The following MTAP variants were observed in gnomAD, a reference collection of about 807,000 sequenced individuals.
MTAP encodes the protein methylthioadenosine phosphorylase.
A neutral mutation model predicts 33.6 loss-of-function variants in MTAP; 33 were observed. The ratio of observed to expected loss-of-function variants is 0.98; its 90% CI spans 0.74 to 1.31. The LOEUF is 1.31. MTAP is among the 40% of genes most tolerant of loss of function. MTAP has a pLI of 0.00. For synonymous variants in MTAP, 148 were observed against 125.7 expected (o/e 1.18, Z -1.19); for missense variants, 367 against 360.0 (o/e 1.02, Z -0.16).
chr9:21,915,000 T>TTTCTTTCCTTCCTTCC (rs1818653525), intron 1 of MTAP, among the ~76,000 whole-genome samples: 61 of 83,750 alleles, frequency 7.3e-4, no homozygotes, highest in African/African-American at 3.4e-3. Context: ...CTTTGTTTTC[T>TTTCTTTCCTTCCTTCC]TTCCTTCCTT....
chr9:21,844,492 C>G (rs190188473), intron 5 of MTAP, among the ~76,000 whole-genome samples: 3 of 152,160 alleles, frequency 2.0e-5, no homozygotes, highest in African/African-American at 7.2e-5. Context: ...AAATTACTAG[C>G]TAACCAAATC....
At chr9:21,811,390 A>G (rs1162398010) in intron 1 of MTAP, among the ~76,000 whole-genome samples, 3 of 152,204 alleles carry the variant, frequency 2.0e-5, no homozygotes, top group Admixed American at 2.0e-4. Flanking sequence ...TATTTGGATA[A>G]ATGCTTTCAC....
chr9:21,916,120 G>GA (rs1397028813), intron 1 of MTAP, among the ~76,000 whole-genome samples: 15,774 of 139,592 alleles, frequency 0.11, 1,708 homozygotes, highest in African/African-American at 0.27. Context: ...AGGAAGGAAG[G>GA]AGGGAGGGAA....
chr9:21,809,387 C>T (rs1824287762), intron 1 of MTAP, among the ~76,000 whole-genome samples: 1 of 152,054 alleles, frequency 6.6e-6, no homozygotes, highest in Non-Finnish European at 1.5e-5. Flanking sequence ...TGCCTGTAAT[C>T]CCAGCACTTT....
intron 1 of MTAP, among the ~76,000 whole-genome samples, chr9:21,916,080 A>AAAGG (rs375102585): frequency 0.16 from 18,628 of 116,686 alleles, 1,998 homozygotes; most frequent in Non-Finnish European, 0.21. Flanking sequence ...GGGAGGAAGG[A>AAAGG]AAGGAAGGAA....
At chr9:21,803,477 G>C (rs891783442) in intron 1 of MTAP, 2 of 152,190 alleles carry the variant, frequency 1.3e-5, no homozygotes, top group Non-Finnish European at 2.9e-5. Context: ...GCTTTGTTTT[G>C]CAGCCTTGCA....
chr9:21,872,622 C>G (rs929057728), intron 1 of MTAP, among the ~76,000 whole-genome samples: 2 of 152,152 alleles, frequency 1.3e-5, no homozygotes, highest in African/African-American at 2.4e-5. Context: ...TTATTTTTCC[C>G]TTTTGCATAG....
intron 5 of MTAP, among the ~76,000 whole-genome samples, chr9:21,848,147 C>G (rs1280043097): frequency 1.3e-5 from 2 of 152,146 alleles, no homozygotes; most frequent in East Asian, 1.9e-4. Flanking sequence ...ATGGCCTCCC[C>G]TGAGGCAGTT....
chr9:21,872,861 C>T (rs1393275452), intron 1 of MTAP, among the ~76,000 whole-genome samples: 1 of 152,102 alleles, frequency 6.6e-6, no homozygotes. Context: ...ACCCCAGAGG[C>T]AATGTGAGCA....
intron 1 of MTAP, among the ~76,000 whole-genome samples, chr9:21,924,021 G>T (rs973007468): frequency 6.6e-6 from 1 of 152,138 alleles, no homozygotes; most frequent in Non-Finnish European, 1.5e-5. Context: ...GGGGTACCTG[G>T]TAAGACCGGT....
In MTAP at chr9:21,825,042, C is replaced by A. The variant is rs7866152; in HGVS notation, c.347+6840C>A. 1.2e-3 allele frequency among the ~76,000 whole-genome samples: 187 copies of A among 152,294 alleles called. 1 individual carries two copies. The highest frequency in any genetic ancestry group is 4.3e-3 in the African/African-American group (180 of 41,564). On this transcript the variant is annotated intron_variant, in intron 4 of 7. Coordinates refer to ENST00000644715, the MANE Select transcript of MTAP (RefSeq NM_002451.4). ...GGAAAGGGAATTCCTTGACCCCTTA[C>A]GCTTCCTAGGTGAGGCGATGCCTCA... is the stretch of plus-strand genomic sequence containing the variant.
intron 1 of MTAP, among the ~76,000 whole-genome samples, chr9:21,897,574 T>C (rs571934923): frequency 6.6e-6 from 1 of 152,152 alleles, no homozygotes; most frequent in Non-Finnish European, 1.5e-5. Flanking sequence ...ACAAGCATTC[T>C]TATACACCAA....
intron 1 of MTAP, among the ~76,000 whole-genome samples, chr9:21,927,753 C>T (rs1306798439): frequency 6.6e-6 from 1 of 152,120 alleles, no homozygotes; most frequent in Admixed American, 6.6e-5. Flanking sequence ...TTGACCAGGG[C>T]CCTAAAACTT....
At chr9:21,873,921 T>TA (rs562987081) in intron 1 of MTAP, among the ~76,000 whole-genome samples, 4 of 151,992 alleles carry the variant, frequency 2.6e-5, no homozygotes, top group South Asian at 4.1e-4. Flanking sequence ...TTTTTCGGAA[T>TA]AAAAAAAATT....
At chr9:21,802,956 C>T in intron 1 of MTAP, 175 bp downstream of exon 1, 1 of 1,411,986 alleles carries the variant, frequency 7.1e-7, no homozygotes, top group Non-Finnish European at 9.1e-7. Context: ...AGAGGGTACG[C>T]TTGCAAATGA....
intron 1 of MTAP, among the ~76,000 whole-genome samples, chr9:21,901,320 A>T (rs999652064): frequency 1.2e-4 from 18 of 152,240 alleles, no homozygotes; most frequent in African/African-American, 4.3e-4. Context: ...ATTCCAGTTT[A>T]AAAAATTGAA....
intron 3 of MTAP, among the ~76,000 whole-genome samples, chr9:21,817,611 A>G (rs971403733): frequency 6.6e-6 from 1 of 152,032 alleles, no homozygotes; most frequent in African/African-American, 2.4e-5. Flanking sequence ...GGATATGGCA[A>G]AGGTGCTAGA....
At position 21,865,666 on chromosome 9, in the gene MTAP, AC is replaced by A; in HGVS notation, c.*3654del. 1 of 1,008,320 alleles carries A rather than the reference AC, an allele frequency of 9.9e-7. No individual in the cohort carries two copies. Among genetic ancestry groups the A allele is most frequent in the Non-Finnish European group, 1.2e-6 (1 of 841,692 alleles). 62.5% of individuals were successfully genotyped at this position (1,008,320 alleles called of 1,614,324 possible). ...GGAATGCCAAAGATCGAGGAAATCTACCAAGACTAGTAGGGTAGTCCAGAAG... is the reference window on the plus strand; with the variant it reads ...GGAATGCCAAAGATCGAGGAAATCTACAAGACTAGTAGGGTAGTCCAGAAG... On this transcript the variant is annotated 3_prime_UTR_variant, in exon 8 of 8. Transcript: ENST00000644715.
chr9:21,865,286 G>A lies in MTAP; in HGVS notation c.*3272G>A, dbSNP rs188937833. On this transcript the variant is annotated 3_prime_UTR_variant, in exon 8 of 8. Transcript: ENST00000644715. Reference sequence around the variant, plus strand: ...GCTCAACACTTCTTCCTGCCATCATGTGAAGAAGGACGTGTTTGTTTCCCC... The same window carrying A: ...GCTCAACACTTCTTCCTGCCATCATATGAAGAAGGACGTGTTTGTTTCCCC... 3 of 446,210 alleles carry A rather than the reference G, an allele frequency of 6.7e-6. No homozygotes were observed. Among genetic ancestry groups the A allele is most frequent in the Non-Finnish European group, 8.9e-6 (3 of 337,362 alleles). The allele number at this position is 446,210 out of a possible 1,614,324, so 27.6% of individuals were successfully genotyped here.
Sources: allele counts gnomAD v4.1 joint callset (sites outside exome capture counted in the v4.1 genomes callset), GRCh38; gene constraint gnomAD v4.1.1; transcripts MANE v1.5; gene names NCBI Gene and HGNC (gene_info 2026-07-23, HGNC 2026-07-21).